The following ZBTB44 variants were observed in gnomAD, a reference collection of about 807,000 sequenced individuals.
The protein encoded by ZBTB44 is zinc finger and BTB domain containing 44.
In ZBTB44, 15 loss-of-function variants were observed where a neutral mutation model predicts 54.0. That is an observed-to-expected ratio of 0.28 (90% CI 0.19 to 0.43). The LOEUF is 0.43. Ranked by LOEUF, ZBTB44 falls within the 20% of genes least tolerant of loss-of-function variation. ZBTB44 has a pLI of 1.00. For missense variants in ZBTB44, 487 were observed against 707.1 expected, an observed-to-expected ratio of 0.69 and a Z score of 3.53; for synonymous variants, 230 against 250.1, an observed-to-expected ratio of 0.92 and a Z score of 0.76.
chr11:130,268,239 G>A lies in ZBTB44; in HGVS notation c.-56-6310C>T, dbSNP rs142785834. Among the ~76,000 whole-genome samples, 33 of 139,388 alleles carry A rather than the reference G, an allele frequency of 2.4e-4. 1 individual carries two copies. In the East Asian group the frequency reaches 3.7e-3, roughly 16 times the overall value. 91.4% of individuals were successfully genotyped at this position (139,388 alleles called of 152,430 possible). On this transcript the variant is annotated intron_variant, in intron 1 of 7. Coordinates refer to ENST00000357899, the MANE Select transcript of ZBTB44 (RefSeq NM_001301098.2). ...GTCTAATTTAAAAAAAAAAAAAAGC[G>A]GGGGGTGGAGTGGGGTAGGGGAAGA...
intron 2 of ZBTB44, among the ~76,000 whole-genome samples, chr11:130,246,270 C>CATATATATACACACACACAT (rs1305997070): frequency 6.6e-6 from 1 of 152,092 alleles, no homozygotes; most frequent in South Asian, 2.1e-4. Flanking sequence ...AATATATACA[C>CATATATATACACACACACAT]ATATATATAC....
At chr11:130,308,773 G>C (rs191573383) in intron 1 of ZBTB44, among the ~76,000 whole-genome samples, 3 of 152,210 alleles carry the variant, frequency 2.0e-5, no homozygotes, top group South Asian at 2.1e-4. Context: ...TGAGATTAAA[G>C]ACAGAATGAG....
At position 130,261,445 on chromosome 11, in the gene ZBTB44, A is replaced by G. The variant is rs769989269; in HGVS notation, c.429T>C (p.Ala143=). 1 of 1,614,022 alleles carries G rather than the reference A, an allele frequency of 6.2e-7. No individual in the cohort carries two copies. Among genetic ancestry groups the G allele is most frequent in the East Asian group, 2.2e-5 (1 of 44,876 alleles). Residue 143 remains alanine, a synonymous_variant, in exon 2 of 8, where the codon GCT becomes GCC. Transcript: ENST00000357899. The surrounding 1 kb of genome is among the most constrained non-coding windows in gnomAD (Gnocchi z 4.8). ...PNSQPEKGLD[A]GQENNSNCNF... ...TGCAGTTAGAATTATTTTCTTGTCC[A>G]GCATCTAGACCCTTTTCAGGTTGGC...
At chr11:130,259,845 G>GT (rs1357608476) in intron 2 of ZBTB44, among the ~76,000 whole-genome samples, 1 of 151,856 alleles carries the variant, frequency 6.6e-6, no homozygotes, top group East Asian at 1.9e-4. Context: ...GGATAAATAC[G>GT]TAACGCAGAT....
rs547055814 is a variant in ZBTB44, at chr11:130,266,209, C to T, written c.-56-4280G>A. ...AGGCTCAATCTATTCTGCCTGTGCT[C>T]TGTAAGTGAAACAACACAGCCTGAT... On this transcript the variant is annotated intron_variant, in intron 1 of 7. Transcript: ENST00000357899. Among the ~76,000 whole-genome samples the T allele has an allele frequency of 5.3e-5, 8 of 152,342 alleles. No homozygotes were observed. In the South Asian group the frequency reaches 8.3e-4, roughly 16 times the overall value.
intron 2 of ZBTB44, among the ~76,000 whole-genome samples, chr11:130,254,685 G>C (rs1393544814): frequency 1.3e-5 from 2 of 152,152 alleles, no homozygotes; most frequent in Non-Finnish European, 2.9e-5. Flanking sequence ...CAGGGATCTA[G>C]AACTAGAAAT....
At chr11:130,258,066 C>T (rs939930625) in intron 2 of ZBTB44, among the ~76,000 whole-genome samples, 1 of 152,156 alleles carries the variant, frequency 6.6e-6, no homozygotes, top group South Asian at 2.1e-4. Flanking sequence ...ACGGCACTAA[C>T]TACATTTAAT....
At chr11:130,273,038 G>A (rs760283673) in intron 1 of ZBTB44, among the ~76,000 whole-genome samples, 13 of 152,074 alleles carry the variant, frequency 8.5e-5, no homozygotes, top group Admixed American at 7.2e-4. Context: ...TGGGTCCCCT[G>A]CAACTCCATA....
At chr11:130,294,325 T>C (rs372690497) in intron 1 of ZBTB44, among the ~76,000 whole-genome samples, 2 of 151,530 alleles carry the variant, frequency 1.3e-5, no homozygotes, top group South Asian at 4.2e-4. Context: ...GGCACAAGAA[T>C]TGCTTGAACC....
chr11:130,260,947 T>C lies in ZBTB44; in HGVS notation c.927A>G (p.Ala309=), dbSNP rs756234770. The C allele has an allele frequency of 6.8e-6, 11 of 1,613,936 alleles. No homozygotes were observed. Among genetic ancestry groups the C allele is most frequent in the Non-Finnish European group, 8.5e-6 (10 of 1,179,908 alleles). Residue 309 remains alanine (A), a synonymous_variant, in exon 2 of 8, where the codon GCA becomes GCG. Transcript: ENST00000357899. ...VHEEVSQPVS[A]SQSSLSDQQT... is the part of the protein sequence containing the mutation. ...GCTGATCACTCAGCGAACTCTGAGA[T>C]GCACTGACAGGCTGGGACACTTCCT...
chr11:130,282,761 G>A (rs570114492), intron 1 of ZBTB44, among the ~76,000 whole-genome samples: 117 of 152,234 alleles, frequency 7.7e-4, no homozygotes, highest in Non-Finnish European at 1.3e-3. Flanking sequence ...TCTCTTCCAC[G>A]TTGGCAATTA....
At chr11:130,258,634 A>G (rs1194432731) in intron 2 of ZBTB44, among the ~76,000 whole-genome samples, 1 of 152,226 alleles carries the variant, frequency 6.6e-6, no homozygotes, top group South Asian at 2.1e-4. Context: ...CCCAACTAAT[A>G]TACATTATCT....
At chr11:130,293,622 GAAAAA>G (rs771432644) in intron 1 of ZBTB44, among the ~76,000 whole-genome samples, 71 of 100,076 alleles carry the variant, frequency 7.1e-4, no homozygotes, top group African/African-American at 2.1e-3. Flanking sequence ...TCTACTTAAA[GAAAAA>G]AAAAAAAAAA....
chr11:130,236,184 A>G (rs1229702507), intron 5 of ZBTB44: 1 of 1,286,936 alleles, frequency 7.8e-7, no homozygotes, highest in Admixed American at 2.3e-5. Context: ...TTAGTGGCAG[A>G]GCTAGATCTA....
chr11:130,236,242 T>A, intron 5 of ZBTB44: 1 of 1,277,986 alleles, frequency 7.8e-7, no homozygotes, highest in Non-Finnish European at 1.0e-6. Context: ...GTAATTCTAT[T>A]ATAAATTAAT....
chr11:130,314,908 G>C lies in ZBTB44; in HGVS notation c.-590C>G, dbSNP rs1444486134. The C allele has an allele frequency of 1.3e-5, 2 of 149,076 alleles. No individual in the cohort carries two copies. The highest frequency in any genetic ancestry group is 4.1e-4 in the East Asian group (2 of 4,824). The allele number at this position is 149,076 out of a possible 1,614,324, so 9.2% of individuals were successfully genotyped here. A position where few individuals can be genotyped will look rare whatever the true frequency, so the allele number is the denominator to read the frequency against. ...GCCTGTTTGGGGGCACTTTGTTTGTGTCCCACAATGCTCTGCGCCGGCGGC... is the reference window on the plus strand; with the variant it reads ...GCCTGTTTGGGGGCACTTTGTTTGTCTCCCACAATGCTCTGCGCCGGCGGC... On this transcript the variant is annotated 5_prime_UTR_variant, in exon 1 of 8. Coordinates refer to ENST00000357899, the MANE Select transcript of ZBTB44 (RefSeq NM_001301098.2).
chr11:130,291,159 T>G (rs1941284717), intron 1 of ZBTB44, among the ~76,000 whole-genome samples: 1 of 151,196 alleles, frequency 6.6e-6, no homozygotes, highest in African/African-American at 2.4e-5. Context: ...TGAGACGGAG[T>G]CTCATTCTGT....
intron 2 of ZBTB44, among the ~76,000 whole-genome samples, chr11:130,253,585 G>C (rs1189763856): frequency 1.3e-5 from 2 of 152,148 alleles, no homozygotes; most frequent in African/African-American, 4.8e-5. Flanking sequence ...CAAACAAATG[G>C]AAGAACATTC....
At chr11:130,237,165 G>A (rs1480681749) in intron 4 of ZBTB44, 72 bp from the exon 5 acceptor site, 2 of 1,345,454 alleles carry the variant, frequency 1.5e-6, no homozygotes, top group African/African-American at 1.5e-5. Flanking sequence ...ACAAATTTCT[G>A]AACTATATTT....
Sources: gnomAD v4.1 joint callset for allele counts (sites outside exome capture counted in the v4.1 genomes callset) on GRCh38, gnomAD v4.1.1 for gene constraint, Gnocchi (gnomAD v3.1) non-coding constraint, MANE v1.5 for transcripts, NCBI Gene and HGNC (gene_info 2026-07-23, HGNC 2026-07-21) for gene names.